Variants in KDM6A observed in about 807,000 individuals in gnomAD.
KDM6A encodes the protein lysine-specific demethylase 6A.
KDM6A carries 11 observed loss-of-function variants against 117.6 expected under a neutral mutation model. The ratio of observed to expected loss-of-function variants is 0.09; its 90% CI spans 0.06 to 0.15. KDM6A has a LOEUF of 0.15. Among genes scored for constraint, KDM6A ranks in the 10% least tolerant of loss-of-function variants. The probability of loss-of-function intolerance (pLI) is 1.00; values close to 1 mark genes in which losing one functional copy is unlikely to be tolerated. For missense variants in KDM6A, 799 were observed against 1,077.3 expected (o/e 0.74, Z 3.62); for synonymous variants, 384 against 396.1 (o/e 0.97, Z 0.36).
chrX:44,915,555 G>A (rs750154635), intron 2 of KDM6A, among the ~76,000 whole-genome samples: 1 of 112,294 alleles, frequency 8.9e-6, no homozygotes, highest in African/African-American at 3.2e-5. Context: ...ACTTTGTGTG[G>A]TTTCAGTTGA....
intron 17 of KDM6A, among the ~76,000 whole-genome samples, chrX:45,066,038 G>A (rs1413014806): frequency 9.0e-6 from 1 of 111,590 alleles, no homozygotes; most frequent in African/African-American, 3.3e-5. Context: ...TTTATAACCC[G>A]TGAGCTAAGA....
chrX:45,021,960 A>AT (rs1044741967), intron 6 of KDM6A, among the ~76,000 whole-genome samples: 15 of 111,701 alleles, frequency 1.3e-4, no homozygotes, highest in South Asian at 7.4e-4. Context: ...GCTGCCTCAC[A>AT]TTTTTTTTGC....
chrX:45,082,033 C>G (rs1241017901), intron 21 of KDM6A, among the ~76,000 whole-genome samples: 1 of 110,286 alleles, frequency 9.1e-6, no homozygotes. Flanking sequence ...TCTGCCTCGG[C>G]CTCCCAAAGT....
At chrX:44,939,237 G>A (rs1224654311) in intron 2 of KDM6A, among the ~76,000 whole-genome samples, 1 of 112,525 alleles carries the variant, frequency 8.9e-6, no homozygotes, top group Non-Finnish European at 1.9e-5. Flanking sequence ...CACCATTCTT[G>A]ATGCCATTGA....
chrX:44,881,215 G>A (rs1444509980), intron 2 of KDM6A, among the ~76,000 whole-genome samples: 2 of 112,696 alleles, frequency 1.8e-5, no homozygotes, highest in Non-Finnish European at 1.9e-5. Context: ...CGGGCATCAC[G>A]AGGTCAGGAG....
chrX:45,102,165 G>A (rs182536949), intron 27 of KDM6A, among the ~76,000 whole-genome samples: 40 of 112,005 alleles, frequency 3.6e-4, no homozygotes, highest in Non-Finnish European at 6.2e-4. Flanking sequence ...GAAGTAAGAG[G>A]TTTGCACTGG....
At chrX:45,092,099 G>A (rs1169004390) in intron 27 of KDM6A, among the ~76,000 whole-genome samples, 3 of 110,968 alleles carry the variant, frequency 2.7e-5, no homozygotes, top group Admixed American at 9.5e-5. Flanking sequence ...CCATACTCTC[G>A]ATAAATATAA....
intron 2 of KDM6A, among the ~76,000 whole-genome samples, chrX:44,907,542 G>A (rs934661863): frequency 1.9e-5 from 2 of 103,007 alleles, no homozygotes; most frequent in East Asian, 6.0e-4. Context: ...GTGCAGTGGC[G>A]CGATCCTGGC....
chrX:45,066,054 T>C (rs777535067), intron 17 of KDM6A, among the ~76,000 whole-genome samples: 1 of 111,854 alleles, frequency 8.9e-6, no homozygotes, highest in East Asian at 2.8e-4. Flanking sequence ...TAAGAATGAT[T>C]TTTATATTTT....
intron 17 of KDM6A, among the ~76,000 whole-genome samples, chrX:45,066,974 A>G (rs964417688): frequency 1.8e-5 from 2 of 112,054 alleles, no homozygotes; most frequent in South Asian, 7.4e-4. Context: ...TTCCAGGTCA[A>G]AAGTTTCCCA....
At chrX:45,022,770 AG>A (rs1369128394) in intron 6 of KDM6A, among the ~76,000 whole-genome samples, 2 of 111,633 alleles carry the variant, frequency 1.8e-5, no homozygotes, top group African/African-American at 3.3e-5. Flanking sequence ...GATGCTTTTT[AG>A]GCTGTAACCT....
chrX:44,905,700 GGTTT>G (rs1373106216), intron 2 of KDM6A, among the ~76,000 whole-genome samples: 2 of 111,885 alleles, frequency 1.8e-5, no homozygotes, highest in East Asian at 5.6e-4. Flanking sequence ...TACATAGTAA[GGTTT>G]GTTTGTTTCA....
intron 2 of KDM6A, among the ~76,000 whole-genome samples, chrX:44,918,091 C>G (rs1165284863): frequency 9.0e-6 from 1 of 111,544 alleles, no homozygotes; most frequent in Non-Finnish European, 1.9e-5. Flanking sequence ...CTTCCAGAAA[C>G]TGTGTTGGCT....
chrX:44,914,450 G>A (rs1045560816), intron 2 of KDM6A, among the ~76,000 whole-genome samples: 8 of 111,823 alleles, frequency 7.2e-5, no homozygotes, highest in Non-Finnish European at 1.5e-4. Flanking sequence ...ATATGTTAAT[G>A]CAGAAGTTTT....
rs1316949493 is a variant in KDM6A at position 44,941,175 on chromosome X, A to G, written c.226-20109A>G. On this transcript the variant is annotated intron_variant, in intron 2 of 29. Coordinates refer to ENST00000611820, the MANE Select transcript of KDM6A (RefSeq NM_001291415.2). ...AAAAACAAGGTGGTATGATTACTGT[A>G]GTGTTTAGCTCTGTTTGATTTTTGC... Among the ~76,000 whole-genome samples the G allele has an allele frequency of 6.2e-5, 7 of 112,315 alleles. No homozygotes were observed. The South Asian group carries it at 2.2e-3, about 35-fold the overall frequency.
chrX:44,884,389 C>T (rs2032640661), intron 2 of KDM6A, among the ~76,000 whole-genome samples: 1 of 110,955 alleles, frequency 9.0e-6, no homozygotes, highest in South Asian at 3.8e-4. Flanking sequence ...AACTTCAGTA[C>T]CGATGGGTAG....
In KDM6A at chrX:44,929,367, G is replaced by A. The variant is rs145612048; in HGVS notation, c.226-31917G>A. Among the ~76,000 whole-genome samples, 648 of 109,451 alleles carry A rather than the reference G, an allele frequency of 5.9e-3. 5 individuals carry two copies. Among genetic ancestry groups the A allele is most frequent in the African/African-American group, 0.02 (609 of 29,949 alleles). ...CAACCACTGATTGGCTTTCTACCAC[G>A]TTAGATTAGTTTGCATTTTCTAAAG... is the stretch of plus-strand genomic sequence containing the variant. On this transcript the variant is annotated intron_variant, in intron 2 of 29. Transcript: ENST00000611820.
intron 26 of KDM6A, among the ~76,000 whole-genome samples, chrX:45,090,381 T>A (rs1259624946): frequency 8.9e-6 from 1 of 112,108 alleles, no homozygotes; most frequent in Non-Finnish European, 1.9e-5. Context: ...AGGACCAGGA[T>A]CTGGCTCTTG....
At chrX:44,907,158 C>T (rs1453687062) in intron 2 of KDM6A, among the ~76,000 whole-genome samples, 1 of 111,920 alleles carries the variant, frequency 8.9e-6, no homozygotes, top group African/African-American at 3.2e-5. Flanking sequence ...TTTTCCTTTC[C>T]GTGTACTTTT....
Sources: gnomAD v4.1 joint callset for allele counts (sites outside exome capture counted in the v4.1 genomes callset) on GRCh38, gnomAD v4.1.1 for gene constraint, MANE v1.5 for transcripts, NCBI Gene and HGNC (gene_info 2026-07-23, HGNC 2026-07-21) for gene names.